PCDHA7: variants seen among roughly 807,000 people sequenced by gnomAD.
PCDHA7 encodes the protein protocadherin alpha-7.
Under a neutral mutation model 57.2 loss-of-function variants are expected in PCDHA7, and 37 were observed. The observed-to-expected ratio is 0.65, with a 90% confidence interval of 0.50 to 0.85. PCDHA7 has a LOEUF of 0.85. Ranked by LOEUF, PCDHA7 falls within the 40% of genes least tolerant of loss-of-function variation. The probability of loss-of-function intolerance (pLI) is 0.00; values close to 1 mark genes in which losing one functional copy is unlikely to be tolerated. For missense variants in PCDHA7, 1,188 were observed against 1,241.8 expected (o/e 0.96, Z 0.65); for synonymous variants, 553 against 558.8 (o/e 0.99, Z 0.15).
chr5:140,838,048 T>C (rs2150282341), intron 1 of PCDHA7, among the ~76,000 whole-genome samples: 3 of 151,048 alleles, frequency 2.0e-5, no homozygotes, highest in African/African-American at 7.3e-5. Flanking sequence ...CTGCACTTTT[T>C]GGTTTTCCAC....
At chr5:141,000,377 C>G (rs1213637729) in intron 3 of PCDHA7, among the ~76,000 whole-genome samples, 1 of 58,954 alleles carries the variant, frequency 1.7e-5, no homozygotes, top group South Asian at 5.5e-4. Flanking sequence ...CTCTCTCTCT[C>G]TCTCTCTCTC....
chr5:140,951,933 A>T (rs2094659165), intron 1 of PCDHA7, among the ~76,000 whole-genome samples: 1 of 152,164 alleles, frequency 6.6e-6, no homozygotes, highest in African/African-American at 2.4e-5. Context: ...TACTCCCAAG[A>T]TACAGTGCGG....
intron 1 of PCDHA7, chr5:140,848,835 C>T: frequency 6.3e-7 from 1 of 1,590,448 alleles, no homozygotes; most frequent in African/African-American, 1.4e-5. Context: ...AGACAGGCCG[C>T]TGCAGGTTTT....
chr5:140,937,227 C>CG lies in PCDHA7; in HGVS notation c.2356-41718dup, dbSNP rs2091422712. Among the ~76,000 whole-genome samples the CG allele has an allele frequency of 2.0e-5, 3 of 151,930 alleles. No homozygotes were observed. The South Asian group carries it at 6.2e-4, about 32-fold the overall frequency. On this transcript the variant is annotated intron_variant, in intron 1 of 3. Transcript: ENST00000525929. Reference sequence around the variant, plus strand: ...TAATTTTTTGTATTTTTTGTAGAGACGGGGTTTCACCGTGTTAGCCAGGAT... The same window carrying CG: ...TAATTTTTTGTATTTTTTGTAGAGACGGGGGTTTCACCGTGTTAGCCAGGAT...
chr5:140,870,147 A>G (rs1554163846), intron 1 of PCDHA7: 2 of 1,614,086 alleles, frequency 1.2e-6, no homozygotes, highest in Non-Finnish European at 1.7e-6. Flanking sequence ...ACTCTCCTGA[A>G]GTCGCCGTGA....
intron 1 of PCDHA7, among the ~76,000 whole-genome samples, chr5:140,918,972 A>G (rs782748846): frequency 6.6e-5 from 10 of 152,184 alleles, no homozygotes; most frequent in Non-Finnish European, 1.3e-4. Flanking sequence ...GATATCGTTT[A>G]GGTTAGTTGG....
intron 1 of PCDHA7, among the ~76,000 whole-genome samples, chr5:140,976,370 G>A (rs1392898202): frequency 6.6e-6 from 1 of 152,018 alleles, no homozygotes; most frequent in Non-Finnish European, 1.5e-5. Context: ...GGCCAACATG[G>A]TGAAACCCCA....
chr5:140,972,910 C>G (rs2096563603), intron 1 of PCDHA7, among the ~76,000 whole-genome samples: 1 of 152,054 alleles, frequency 6.6e-6, no homozygotes, highest in Non-Finnish European at 1.5e-5. Flanking sequence ...GATCCACCCG[C>G]CTTGGCCTCC....
rs1475862780 is a variant in PCDHA7 at position 140,982,724 on chromosome 5, G to T, written c.2503+161G>T. On this transcript the variant is annotated intron_variant, in intron 3 of 3. Transcript: ENST00000525929. Reference sequence around the variant, plus strand: ...ATTTCCTTACATATATGATTATTTTGATTTTATACCTAATGCTCTTCAGGA... The same window carrying T: ...ATTTCCTTACATATATGATTATTTTTATTTTATACCTAATGCTCTTCAGGA... 5.5e-6 allele frequency: 5 copies of T among 906,286 alleles called. No homozygotes were observed. The African/African-American group carries it at 9.0e-5, about 16-fold the overall frequency. The allele number at this position is 906,286 out of a possible 1,614,324, so 56.1% of individuals were successfully genotyped here.
chr5:140,953,564 GC>G (rs543933826), intron 1 of PCDHA7, among the ~76,000 whole-genome samples: 356 of 152,176 alleles, frequency 2.3e-3, no homozygotes, highest in African/African-American at 7.9e-3. Context: ...AAGTTTTAGT[GC>G]CCTCCTCTCC....
Position 140,836,467 on chromosome 5 carries a change from A to G in PCDHA7, c.2084A>G (p.Asp695Gly). 1 of 1,613,806 alleles carries G rather than the reference A, an allele frequency of 6.2e-7. No individual in the cohort carries two copies. The highest frequency in any genetic ancestry group is 2.2e-5 in the East Asian group (1 of 44,870). ...GCAGGCCCAGAGACCGAGCTGGTGG[A>G]TGTCAACGTGTACCTGATCATCGCC... ...GIAGPETELVDVNVYLIIAIC... is the reference protein window; with the variant it reads ...GIAGPETELVGVNVYLIIAIC... Residue 695 changes from aspartate to glycine, a missense_variant, in exon 1 of 4, where the codon GAT becomes GGT. Around this residue, in one of 3 missense-constraint regions of PCDHA7, gnomAD observed 892 missense variants for 788.5 expected, o/e 1.13. Transcript: ENST00000525929.
At chr5:141,007,161 G>C (rs2098308747) in intron 3 of PCDHA7, among the ~76,000 whole-genome samples, 1 of 152,146 alleles carries the variant, frequency 6.6e-6, no homozygotes, top group Non-Finnish European at 1.5e-5. Context: ...TCAAAGAACA[G>C]TCAGAGAGAA....
At chr5:140,870,794 T>C in intron 1 of PCDHA7, 2 of 1,613,684 alleles carry the variant, frequency 1.2e-6, no homozygotes, top group South Asian at 2.2e-5. Context: ...GCGCCGGCAC[T>C]GCTGGCGACT....
chr5:140,870,310 T>G, intron 1 of PCDHA7: 1 of 1,614,122 alleles, frequency 6.2e-7, no homozygotes, highest in South Asian at 1.1e-5. Flanking sequence ...CTTCAAGAAT[T>G]ACTACTCGTT....
chr5:140,911,165 G>A (rs931843921), intron 1 of PCDHA7, among the ~76,000 whole-genome samples: 3 of 152,178 alleles, frequency 2.0e-5, no homozygotes, highest in Non-Finnish European at 4.4e-5. Context: ...AATGTGGAAA[G>A]GCTGATGGCA....
At chr5:140,967,282 GC>G in intron 1 of PCDHA7, 1 of 1,613,078 alleles carries the variant, frequency 6.2e-7, no homozygotes, top group Non-Finnish European at 8.5e-7. Flanking sequence ...TAGAGAGTGC[GC>G]AGGACCCCGA....
intron 1 of PCDHA7, chr5:140,875,168 G>A (rs1554167513): frequency 5.5e-6 from 2 of 364,784 alleles, no homozygotes; most frequent in African/African-American, 4.2e-5. Flanking sequence ...ACCCAAAGTC[G>A]AAACATTAGA....
intron 1 of PCDHA7, chr5:140,843,101 G>T (rs1778561024): frequency 1.3e-6 from 2 of 1,595,770 alleles, no homozygotes; most frequent in Non-Finnish European, 1.7e-6. Flanking sequence ...GGTAGCGAAG[G>T]TGCGCGCAGT....
In PCDHA7 at chr5:140,835,605, G is replaced by A; in HGVS notation, c.1222G>A (p.Val408Met). The A allele has an allele frequency of 6.2e-7, 1 of 1,613,894 alleles. No individual in the cohort carries two copies. The highest frequency in any genetic ancestry group is 8.5e-7 in the Non-Finnish European group (1 of 1,179,860). ...VSTFKNYYSLVLDSALDRESV... is the reference protein window; with the variant it reads ...VSTFKNYYSLMLDSALDRESV... ...CACCTTCAAGAATTACTATTCATTG[G>A]TGCTGGACAGCGCTCTGGACCGCGA... Residue 408 changes from valine (V) to methionine (M), a missense_variant, in exon 1 of 4, where the codon GTG becomes ATG. Physicochemically the swap from Val to Met is conservative, Grantham distance 21. This residue lies in a region of PCDHA7 where 892 missense variants were observed against 788.5 expected (regional missense o/e 1.13). Coordinates refer to ENST00000525929, the MANE Select transcript of PCDHA7 (RefSeq NM_018910.3).
Sources: gnomAD v4.1 joint callset for allele counts (sites outside exome capture counted in the v4.1 genomes callset) on GRCh38, gnomAD v4.1.1 for gene constraint, gnomAD v4.1.1 regional missense constraint, MANE v1.5 for transcripts, NCBI Gene and HGNC (gene_info 2026-07-23, HGNC 2026-07-21) for gene names.